Variants in AKAP9 observed in about 807,000 individuals in gnomAD.
The protein encoded by AKAP9 is A-kinase anchoring protein 9.
Under a neutral mutation model 488.5 loss-of-function variants are expected in AKAP9, and 311 were observed. That is an observed-to-expected ratio of 0.64 (90% CI 0.58 to 0.70). The LOEUF is 0.70. AKAP9 is among the 30% of genes least tolerant of loss of function. The pLI is 0.00. For missense variants in AKAP9, 4,215 were observed against 4,374.5 expected, an observed-to-expected ratio of 0.96 and a Z score of 1.03; for synonymous variants, 1,462 against 1,483.5, an observed-to-expected ratio of 0.99 and a Z score of 0.33.
chr7:92,026,284 T>C (rs115338827), intron 14 of AKAP9, among the ~76,000 whole-genome samples: 160 of 152,280 alleles, frequency 1.1e-3, no homozygotes, highest in African/African-American at 3.7e-3. Context: ...TTTCAAATAC[T>C]GTAAAGCTTA....
intron 9 of AKAP9, 125 bp from the exon 10 acceptor site, chr7:92,014,123 CA>C: frequency 1.4e-6 from 1 of 720,494 alleles, no homozygotes; most frequent in Non-Finnish European, 2.4e-6. Flanking sequence ...GAAAATAACT[CA>C]AAGAAATAAA....
At position 92,001,862 on chromosome 7, in the gene AKAP9, C is replaced by T. The variant is rs779398715; in HGVS notation, c.1945C>T (p.Arg649Ter). Residue 649 changes from arginine to a stop codon, truncating the protein, a stop_gained, in exon 8 of 50, where the codon CGA (arginine) becomes TGA (stop). Coordinates refer to ENST00000356239, the MANE Select transcript of AKAP9 (RefSeq NM_005751.5). LOFTEE classifies it high-confidence loss of function. ...KLKEDLEIEH[R>*]INIEKLKDNL... ...GAAGGAAGATTTAGAAATTGAACAT[C>T]GAATAAATATTGAAAAACTTAAAGA... is the stretch of plus-strand genomic sequence containing the variant. 2.5e-6 allele frequency: 4 copies of T among 1,612,898 alleles called. No homozygotes were observed. The highest frequency in any genetic ancestry group is 1.7e-5 in the Admixed American group (1 of 59,928).
intron 1 of AKAP9, among the ~76,000 whole-genome samples, chr7:91,944,530 G>A (rs922522660): frequency 7.9e-5 from 12 of 151,894 alleles, no homozygotes; most frequent in African/African-American, 2.9e-4. Context: ...GGGATTACAG[G>A]CATTTACCAC....
At chr7:92,018,863 C>T (rs1214189859) in intron 12 of AKAP9, among the ~76,000 whole-genome samples, 3 of 152,144 alleles carry the variant, frequency 2.0e-5, no homozygotes, top group African/African-American at 7.2e-5. Flanking sequence ...CATCAGATAT[C>T]TCTACTCAAA....
chr7:91,940,978 CGGACCGAATCGGCT>C lies in AKAP9; in HGVS notation c.-121_-108del. The C allele has an allele frequency of 9.5e-7, 1 of 1,053,796 alleles. No individual in the cohort carries two copies. The highest frequency in any genetic ancestry group is 1.5e-6 in the Non-Finnish European group (1 of 673,338). The allele number at this position is 1,053,796 out of a possible 1,614,324, so 65.3% of individuals were successfully genotyped here. ...GCTTCCACTTCGGGCGGGGGAGCGC[CGGACCGAATCGGCT>C]CTCTAGGCCGTGGAGCTTGCCGTCC... On this transcript the variant is annotated 5_prime_UTR_variant, in exon 1 of 50. Coordinates refer to ENST00000356239, the MANE Select transcript of AKAP9 (RefSeq NM_005751.5).
rs191169247 is a variant in AKAP9, at chr7:92,094,529, G to T, written c.9579-494G>T. Among the ~76,000 whole-genome samples, 8 of 146,744 alleles carry T rather than the reference G, an allele frequency of 5.5e-5. No individual in the cohort carries two copies. In the East Asian group the frequency reaches 1.5e-3, roughly 27 times the overall value. ...TCCTGGGTGACAAGAGGGAAACTCCGTCTCAAAAAAAAAGAAAAAAGAGGG... is the reference window on the plus strand; with the variant it reads ...TCCTGGGTGACAAGAGGGAAACTCCTTCTCAAAAAAAAAGAAAAAAGAGGG... On this transcript the variant is annotated intron_variant, in intron 39 of 49. Coordinates refer to ENST00000356239, the MANE Select transcript of AKAP9 (RefSeq NM_005751.5).
At chr7:92,018,886 A>G (rs2130721616) in intron 12 of AKAP9, among the ~76,000 whole-genome samples, 1 of 152,324 alleles carries the variant, frequency 6.6e-6, no homozygotes, top group East Asian at 1.9e-4. Context: ...TCTTTTAGGT[A>G]TATCTCAATC....
Position 92,052,721 on chromosome 7 carries a change from T to A in AKAP9, c.5369-5T>A, listed in dbSNP as rs1357708325. Reference sequence around the variant, plus strand: ...ATTTATGCCTTTAAAACACTGTTATTCTAGTTACAGATGAATCCATTCCCT... The same window carrying A: ...ATTTATGCCTTTAAAACACTGTTATACTAGTTACAGATGAATCCATTCCCT... On this transcript the variant is annotated splice_region_variant and splice_polypyrimidine_tract_variant and intron_variant, in intron 21 of 49. Coordinates refer to ENST00000356239, the MANE Select transcript of AKAP9 (RefSeq NM_005751.5). 2 of 1,588,224 alleles carry A rather than the reference T, an allele frequency of 1.3e-6. No individual in the cohort carries two copies. Among genetic ancestry groups the A allele is most frequent in the Non-Finnish European group, 1.7e-6 (2 of 1,157,282 alleles).
chr7:92,051,592 A>G (rs1807988400), intron 21 of AKAP9, among the ~76,000 whole-genome samples: 1 of 152,222 alleles, frequency 6.6e-6, no homozygotes, highest in African/African-American at 2.4e-5. Context: ...TGAATATTGA[A>G]TTGTGCTGAA....
At chr7:91,998,416 C>CTTTT (rs1554402644) in intron 7 of AKAP9, among the ~76,000 whole-genome samples, 1 of 57,350 alleles carries the variant, frequency 1.7e-5, no homozygotes, top group Admixed American at 2.5e-4. Flanking sequence ...AACCACAGGG[C>CTTTT]TCTTTTTTTT....
At chr7:92,028,649 A>G (rs1157756189) in intron 14 of AKAP9, among the ~76,000 whole-genome samples, 1 of 152,238 alleles carries the variant, frequency 6.6e-6, no homozygotes, top group African/African-American at 2.4e-5. Flanking sequence ...ATAAAGACAT[A>G]CATGTTCTAG....
chr7:92,098,003 G>A, intron 42 of AKAP9, 106 bp from the exon 43 acceptor site: 1 of 880,092 alleles, frequency 1.1e-6, no homozygotes, highest in Non-Finnish European at 1.9e-6. Context: ...GGGATATAAG[G>A]GAGAAGTGAT....
rs112613983 is a variant in AKAP9, at chr7:92,013,188, T to C, written c.3532+546T>C. Among the ~76,000 whole-genome samples the C allele has an allele frequency of 2.1e-3, 312 of 151,230 alleles. 1 individual carries two copies. Among genetic ancestry groups the C allele is most frequent in the African/African-American group, 7.4e-3 (303 of 41,180 alleles). ...TTGTATTTTTAGTAGAGACGGGGTT[T>C]CACCGTTTTAGCCGGGATGGTCTCG... On this transcript the variant is annotated intron_variant, in intron 9 of 49. Coordinates refer to ENST00000356239, the MANE Select transcript of AKAP9 (RefSeq NM_005751.5).
chr7:92,090,761 T>C (rs1226740504), intron 38 of AKAP9: 1 of 152,246 alleles, frequency 6.6e-6, no homozygotes, highest in Non-Finnish European at 1.5e-5. Context: ...CATTGTTGTA[T>C]AGTGTTTCTG....
intron 31 of AKAP9, among the ~76,000 whole-genome samples, chr7:92,081,730 G>A (rs527500406): frequency 5.3e-5 from 8 of 151,876 alleles, no homozygotes; most frequent in East Asian, 3.9e-4. Context: ...ATCTGAAATC[G>A]CAGTTATTTC....
intron 11 of AKAP9, 94 bp from the exon 12 acceptor site, chr7:92,016,923 T>G: frequency 1.0e-6 from 1 of 990,722 alleles, no homozygotes; most frequent in Non-Finnish European, 1.5e-6. Context: ...AGCAGGCAAT[T>G]TTTTTAAGTT....
At chr7:92,011,767 C>T (rs1284644337) in intron 8 of AKAP9, among the ~76,000 whole-genome samples, 1 of 152,152 alleles carries the variant, frequency 6.6e-6, no homozygotes, top group Non-Finnish European at 1.5e-5. Context: ...CTGAGTGAGC[C>T]TCTACTGCAT....
chr7:91,963,517 C>CACACACAT, intron 1 of AKAP9, among the ~76,000 whole-genome samples: 1 of 149,506 alleles, frequency 6.7e-6, no homozygotes, highest in East Asian at 1.9e-4. Flanking sequence ...CACACACACA[C>CACACACAT]ACACACACAC....
At chr7:92,067,612 T>C (rs1201932265) in intron 26 of AKAP9, among the ~76,000 whole-genome samples, 1 of 152,198 alleles carries the variant, frequency 6.6e-6, no homozygotes, top group Non-Finnish European at 1.5e-5. Context: ...CTTCTCCTTT[T>C]TCACCCCAAC....
Sources: allele counts gnomAD v4.1 joint callset (sites outside exome capture counted in the v4.1 genomes callset), GRCh38; gene constraint gnomAD v4.1.1; transcripts MANE v1.5; gene names NCBI Gene and HGNC (gene_info 2026-07-23, HGNC 2026-07-21).